Variants in PAM observed in about 807,000 individuals in gnomAD.
PAM encodes the protein peptidylglycine alpha-amidating monooxygenase, also known as peptidyl-glycine alpha-amidating monooxygenase.
In PAM, 72 loss-of-function variants were observed where a neutral mutation model predicts 122.1. The ratio of observed to expected loss-of-function variants is 0.59; its 90% CI spans 0.49 to 0.72. The LOEUF is 0.72. PAM is among the 30% of genes least tolerant of loss of function. The pLI, the probability that PAM is intolerant of heterozygous loss-of-function variation, is 0.00. For synonymous variants in PAM, 389 were observed against 404.4 expected (o/e 0.96, Z 0.46); for missense variants, 1,106 against 1,183.7 (o/e 0.93, Z 0.96).
At position 103,006,876 on chromosome 5, in the gene PAM, C is replaced by G. The variant is rs748840563; in HGVS notation, c.1879C>G (p.Gln627Glu). ...LGRSMQPGSD[Q>E]NHFCQPTDVA... is the part of the protein sequence containing the mutation. Reference sequence around the variant, plus strand: ...AAGGAGCATGCAACCAGGCAGTGACCAGAATCACTTCTGTCAACCCACTGA... The same window carrying G: ...AAGGAGCATGCAACCAGGCAGTGACGAGAATCACTTCTGTCAACCCACTGA... The change falls in exon 19 of 26, where the codon CAG becomes GAG. Residue 627 changes from glutamine (Q) to glutamate (E), a missense_variant. This residue lies in a region of PAM where 103 missense variants were observed against 157.9 expected (regional missense o/e 0.65). Transcript: ENST00000438793. 5 of 1,613,786 alleles carry G rather than the reference C, an allele frequency of 3.1e-6. No homozygotes were observed. Among genetic ancestry groups the G allele is most frequent in the Non-Finnish European group, 4.2e-6 (5 of 1,179,858 alleles).
At chr5:102,789,817 TA>T (rs1394590875) in intron 1 of PAM, among the ~76,000 whole-genome samples, 1 of 152,042 alleles carries the variant, frequency 6.6e-6, no homozygotes. Flanking sequence ...TTTGCCACAA[TA>T]AAATAGCAAA....
intron 1 of PAM, among the ~76,000 whole-genome samples, chr5:102,799,308 CTGAG>C (rs1764117174): frequency 1.3e-5 from 2 of 152,206 alleles, no homozygotes; most frequent in South Asian, 4.1e-4. Flanking sequence ...ACATGCCAGA[CTGAG>C]TGATGATTGT....
intron 4 of PAM, among the ~76,000 whole-genome samples, chr5:102,912,764 T>A (rs1296517291): frequency 6.6e-6 from 1 of 151,988 alleles, no homozygotes; most frequent in Non-Finnish European, 1.5e-5. Context: ...CCATTCTCTC[T>A]TCATTAATAT....
At chr5:102,772,613 C>G (rs1308495362) in intron 1 of PAM, among the ~76,000 whole-genome samples, 2 of 152,102 alleles carry the variant, frequency 1.3e-5, no homozygotes, top group Non-Finnish European at 2.9e-5. Context: ...CTTAATTATA[C>G]TTGTCGTAGT....
intron 16 of PAM, among the ~76,000 whole-genome samples, chr5:102,999,367 AC>A (rs750823411): frequency 6.0e-4 from 91 of 152,160 alleles, no homozygotes; most frequent in Non-Finnish European, 1.0e-3. Context: ...CAGTGTACAG[AC>A]CTCCTCTCAG....
intron 3 of PAM, among the ~76,000 whole-genome samples, chr5:102,872,549 G>A (rs73192746): frequency 0.09 from 13,647 of 152,112 alleles, 1,513 homozygotes; most frequent in African/African-American, 0.25. Context: ...CACAATACAT[G>A]TATAATCTGT....
intron 7 of PAM, among the ~76,000 whole-genome samples, chr5:102,930,007 T>A (rs1281728212): frequency 6.6e-6 from 1 of 152,192 alleles, no homozygotes; most frequent in Non-Finnish European, 1.5e-5. Flanking sequence ...GTGATCTTCC[T>A]TAGTATGAAA....
chr5:102,838,146 A>G (rs1777581906), intron 1 of PAM: 1 of 152,148 alleles, frequency 6.6e-6, no homozygotes, highest in South Asian at 2.1e-4. Flanking sequence ...AAATGTAAAT[A>G]AGTATCATCA....
chr5:102,824,427 T>C (rs1414023420), intron 1 of PAM, among the ~76,000 whole-genome samples: 1 of 152,246 alleles, frequency 6.6e-6, no homozygotes, highest in Non-Finnish European at 1.5e-5. Flanking sequence ...AGGTGTAATA[T>C]GTGATAGTCA....
rs116583994 is a variant in PAM at position 103,018,753 on chromosome 5, T to C, written c.2432-1037T>C. Reference sequence around the variant, plus strand: ...TATCTTAATTTTATGGATAGGAACATGATTCCTGAACTCATTAATATTTCA... The same window carrying C: ...TATCTTAATTTTATGGATAGGAACACGATTCCTGAACTCATTAATATTTCA... On this transcript the variant is annotated intron_variant, in intron 22 of 25. Coordinates refer to ENST00000438793, the MANE Select transcript of PAM (RefSeq NM_001177306.2). Among the ~76,000 whole-genome samples, 1,012 of 152,288 alleles carry C rather than the reference T, an allele frequency of 6.6e-3. 7 individuals are homozygous for C. The highest frequency in any genetic ancestry group is 0.012 in the Non-Finnish European group (843 of 68,022).
intron 1 of PAM, among the ~76,000 whole-genome samples, chr5:102,796,982 G>C (rs1290463491): frequency 6.6e-6 from 1 of 152,176 alleles, no homozygotes; most frequent in Admixed American, 6.5e-5. Context: ...AGAGCCATAT[G>C]CTTCATTGCC....
At chr5:102,772,537 A>G (rs750576164) in intron 1 of PAM, among the ~76,000 whole-genome samples, 2 of 152,146 alleles carry the variant, frequency 1.3e-5, no homozygotes, top group African/African-American at 4.8e-5. Flanking sequence ...AGATATGCAC[A>G]TGGTTCTCAA....
chr5:103,004,885 T>C (rs879863969), intron 17 of PAM, among the ~76,000 whole-genome samples: 4 of 152,224 alleles, frequency 2.6e-5, no homozygotes, highest in Non-Finnish European at 5.9e-5. Flanking sequence ...TTCTCTAATA[T>C]ACCATACTTT....
intron 1 of PAM, among the ~76,000 whole-genome samples, chr5:102,798,702 A>G (rs1763963307): frequency 1.3e-5 from 2 of 152,202 alleles, no homozygotes; most frequent in African/African-American, 4.8e-5. Context: ...AAAAATTGCA[A>G]ATCTGGTTAG....
chr5:103,015,322 C>G (rs147915489), intron 21 of PAM, among the ~76,000 whole-genome samples: 83 of 152,200 alleles, frequency 5.5e-4, no homozygotes, highest in African/African-American at 2.0e-3. Flanking sequence ...GAGTAGAACA[C>G]GAATTTCCTT....
At chr5:103,030,299 A>G (rs934221294), downstream of PAM, 17 of 152,224 alleles carry the variant, frequency 1.1e-4, no homozygotes, top group African/African-American at 4.1e-4. Flanking sequence ...GAATATATTC[A>G]TCTTTTACAG....
intron 3 of PAM, among the ~76,000 whole-genome samples, chr5:102,893,638 C>T (rs540758332): frequency 6.6e-6 from 1 of 151,856 alleles, no homozygotes; most frequent in South Asian, 2.1e-4. Flanking sequence ...TATCACTTCA[C>T]TAGTTCCCAG....
intron 14 of PAM, among the ~76,000 whole-genome samples, chr5:102,971,107 A>G (rs1280542845): frequency 6.6e-6 from 1 of 152,074 alleles, no homozygotes; most frequent in Non-Finnish European, 1.5e-5. Flanking sequence ...GCCCAGTCCT[A>G]AAAGGGCTTT....
chr5:103,013,761 AG>A (rs1781268533), intron 21 of PAM, among the ~76,000 whole-genome samples: 1 of 152,204 alleles, frequency 6.6e-6, no homozygotes, highest in African/African-American at 2.4e-5. Context: ...AAGGTGAATA[AG>A]GGTAAAAGGG....
Sources: allele counts gnomAD v4.1 joint callset (sites outside exome capture counted in the v4.1 genomes callset), GRCh38; gene constraint gnomAD v4.1.1; regional missense constraint gnomAD v4.1.1; transcripts MANE v1.5; gene names NCBI Gene and HGNC (gene_info 2026-07-23, HGNC 2026-07-21).